SPATA45: variants seen among roughly 807,000 people sequenced by gnomAD.
SPATA45 encodes the protein spermatogenesis-associated protein 45.
SPATA45 carries 5 observed loss-of-function variants against 7.0 expected under a neutral mutation model. The ratio of observed to expected loss-of-function variants is 0.71; its 90% CI spans 0.37 to 1.50. The LOEUF is 1.50. Ranked by LOEUF, SPATA45 falls within the 40% of genes most tolerant of loss-of-function variation. SPATA45 has a pLI of 0.03. For synonymous variants in SPATA45, 40 were observed against 38.7 expected, an observed-to-expected ratio of 1.03 and a Z score of -0.13; for missense variants, 111 against 114.9, an observed-to-expected ratio of 0.97 and a Z score of 0.16.
In SPATA45 at chr1:212,843,093, TCAAACATACACACA is replaced by T. The variant is rs1256348559; in HGVS notation, c.-39+4473_-39+4486del. On this transcript the variant is annotated intron_variant, in intron 1 of 2. Coordinates refer to ENST00000332912, the MANE Select transcript of SPATA45 (RefSeq NM_001024601.3). ...GCCTGGGCAACAGAGCAAGACTCCG[TCAAACATACACACA>T]CACACACACACACACACACACACAC... Among the ~76,000 whole-genome samples the T allele has an allele frequency of 1.6e-4, 13 of 80,050 alleles. No individual in the cohort carries two copies. In the South Asian group the frequency reaches 4.0e-3, roughly 25 times the overall value. 52.5% of individuals were successfully genotyped at this position (80,050 alleles called of 152,430 possible). A position where few individuals can be genotyped will look rare whatever the true frequency, so the allele number is the denominator to read the frequency against.
intron 1 of SPATA45, among the ~76,000 whole-genome samples, chr1:212,842,932 CAAA>C (rs35856086): frequency 7.3e-6 from 1 of 136,770 alleles, no homozygotes; most frequent in Non-Finnish European, 1.6e-5. Context: ...ACTAAAAATA[CAAA>C]AAAAAAAAAA....
At chr1:212,842,310 A>C (rs576927772) in intron 1 of SPATA45, among the ~76,000 whole-genome samples, 1 of 151,864 alleles carries the variant, frequency 6.6e-6, no homozygotes, top group East Asian at 2.0e-4. Flanking sequence ...CCTGGGAGGC[A>C]GAGGTTGCAG....
At chr1:212,842,004 G>T (rs569477878) in intron 1 of SPATA45, among the ~76,000 whole-genome samples, 1 of 151,960 alleles carries the variant, frequency 6.6e-6, no homozygotes, top group Admixed American at 6.5e-5. Flanking sequence ...CAAGTGATCT[G>T]CCCGCCTTGG....
chr1:212,841,036 T>C (rs113749173), intron 1 of SPATA45, among the ~76,000 whole-genome samples: 39 of 150,572 alleles, frequency 2.6e-4, no homozygotes, highest in African/African-American at 9.5e-4. Context: ...GACTCCCTGG[T>C]TTCATGCGAT....
At position 212,836,162 on chromosome 1, in the gene SPATA45, C is replaced by A. The variant is rs1485091982; in HGVS notation, c.-13G>T. 3 of 1,587,968 alleles carry A rather than the reference C, an allele frequency of 1.9e-6. No homozygotes were observed. The highest frequency in any genetic ancestry group is 2.3e-5 in the South Asian group (2 of 88,888). ...TTATAGATGCCATTATGGTCACAAA[C>A]CAATTGTCAAGTGATTCTTGCTGTC... On this transcript the variant is annotated 5_prime_UTR_variant, in exon 2 of 3. Transcript: ENST00000332912.
rs138569769 is a variant in SPATA45, at chr1:212,846,939, G to A, written c.-39+641C>T. On this transcript the variant is annotated intron_variant, in intron 1 of 2. Transcript: ENST00000332912. ...GTCTCACTTTGTCACCCAGGCTGGA[G>A]TGCAGTGAGTGACTTGATCACAGCT... Among the ~76,000 whole-genome samples the A allele has an allele frequency of 2.6e-5, 4 of 152,146 alleles. No individual in the cohort carries two copies. In the East Asian group the frequency reaches 5.8e-4, roughly 22 times the overall value.
intron 1 of SPATA45, among the ~76,000 whole-genome samples, chr1:212,837,576 T>C (rs1218944670): frequency 2.0e-5 from 3 of 151,546 alleles, no homozygotes; most frequent in Non-Finnish European, 4.4e-5. Flanking sequence ...GAGGTTGCAG[T>C]GAGCTGAGAT....
At chr1:212,837,152 TTAA>T in intron 1 of SPATA45, among the ~76,000 whole-genome samples, 1 of 151,480 alleles carries the variant, frequency 6.6e-6, no homozygotes, top group East Asian at 1.9e-4. Context: ...ATTACATATA[TTAA>T]TAATGTAATA....
intron 1 of SPATA45, among the ~76,000 whole-genome samples, chr1:212,844,303 T>C (rs761136995): frequency 6.6e-6 from 1 of 152,158 alleles, no homozygotes; most frequent in Non-Finnish European, 1.5e-5. Flanking sequence ...ATTTTCCTCC[T>C]CACACTTGAC....
At chr1:212,844,408 GC>G (rs1444208250) in intron 1 of SPATA45, among the ~76,000 whole-genome samples, 1 of 151,916 alleles carries the variant, frequency 6.6e-6, no homozygotes, top group Non-Finnish European at 1.5e-5. Context: ...CTTCAATCTG[GC>G]CTCCCACATT....
At chr1:212,830,353 T>C in intron 2 of SPATA45, 92 bp from the exon 3 acceptor site, 1 of 751,698 alleles carries the variant, frequency 1.3e-6, no homozygotes, top group South Asian at 1.8e-5. Context: ...AGTATTGTTT[T>C]TCAGATACAG....
rs1341170854 is a variant in SPATA45, at chr1:212,835,986, T to G, written c.164A>C (p.Tyr55Ser). The G allele has an allele frequency of 1.2e-6, 2 of 1,611,066 alleles. No homozygotes were observed. Among genetic ancestry groups the G allele is most frequent in the Non-Finnish European group, 1.7e-6 (2 of 1,177,612 alleles). ...GGTTGTGGTATCAGTAAAGGACTGA[T>G]AGGCATCCGGGAAGTGCCTCTTTTG... The part of the protein sequence containing the change: ...RVQKRHFPDA[Y>S]QSFTDTTTKE... The change falls in exon 2 of 3, where the codon TAT becomes TCT. Residue 55 changes from tyrosine to serine, a missense_variant. Coordinates refer to ENST00000332912, the MANE Select transcript of SPATA45 (RefSeq NM_001024601.3).
intron 1 of SPATA45, among the ~76,000 whole-genome samples, chr1:212,846,143 C>T (rs1475139960): frequency 6.6e-6 from 1 of 152,114 alleles, no homozygotes; most frequent in South Asian, 2.1e-4. Context: ...AGGTCATCAC[C>T]AATCATTCTA....
At chr1:212,839,242 ATAAC>A (rs1005394207) in intron 1 of SPATA45, among the ~76,000 whole-genome samples, 11 of 149,704 alleles carry the variant, frequency 7.3e-5, no homozygotes, top group African/African-American at 2.7e-4. Context: ...GAAGCTCAAA[ATAAC>A]TATGCTGAGT....
rs1240612267 is a variant in SPATA45, at chr1:212,831,551, T to C, written c.278-1290A>G. On this transcript the variant is annotated intron_variant, in intron 2 of 2. Transcript: ENST00000332912. ...CAGAGGCAAAACTTGAACCCAGGTG[T>C]TTTTAATTCTATATATTTAAATAAA... Among the ~76,000 whole-genome samples the C allele has an allele frequency of 2.0e-5, 3 of 150,884 alleles. 1 individual carries two copies. The highest frequency in any genetic ancestry group is 4.4e-5 in the Non-Finnish European group (3 of 67,620).
intron 2 of SPATA45, among the ~76,000 whole-genome samples, chr1:212,835,233 C>A (rs1364077889): frequency 6.6e-6 from 1 of 151,562 alleles, no homozygotes; most frequent in African/African-American, 2.4e-5. Flanking sequence ...GGTTAAGAAT[C>A]CTATCATAGG....
rs370691394 is a variant in SPATA45, at chr1:212,836,040, C to G, written c.110G>C (p.Arg37Pro). The G allele has an allele frequency of 6.2e-7, 1 of 1,610,962 alleles. No individual in the cohort carries two copies. Among genetic ancestry groups the G allele is most frequent in the African/African-American group, 1.3e-5 (1 of 74,830 alleles). Residue 37 changes from arginine (R) to proline (P), a missense_variant, in exon 2 of 3, where the codon CGA (arginine) becomes CCA (proline). Arg to Pro is a moderately radical substitution (Grantham distance 103). Coordinates refer to ENST00000332912, the MANE Select transcript of SPATA45 (RefSeq NM_001024601.3). The part of the protein sequence containing the change: ...KKRESNCLVE[R>P]SNQVSLLRVQ... ...TCTCAGTAAGCTGACTTGATTGCTTCGTTCCACCAAGCAGTTGGATTCACG... is the reference window on the plus strand; with the variant it reads ...TCTCAGTAAGCTGACTTGATTGCTTGGTTCCACCAAGCAGTTGGATTCACG...
chr1:212,846,524 C>T (rs1055475550), intron 1 of SPATA45, among the ~76,000 whole-genome samples: 1 of 152,114 alleles, frequency 6.6e-6, no homozygotes, highest in Non-Finnish European at 1.5e-5. Context: ...GTGATTTGTT[C>T]CTGCCCCACC....
At chr1:212,841,784 G>A (rs1663690661) in intron 1 of SPATA45, among the ~76,000 whole-genome samples, 1 of 152,010 alleles carries the variant, frequency 6.6e-6, no homozygotes, top group Non-Finnish European at 1.5e-5. Flanking sequence ...TTGAAATGGA[G>A]TCTCACTCTG....
Sources: allele counts gnomAD v4.1 joint callset (sites outside exome capture counted in the v4.1 genomes callset), GRCh38; gene constraint gnomAD v4.1.1; transcripts MANE v1.5; gene names NCBI Gene and HGNC (gene_info 2026-07-23, HGNC 2026-07-21).